Variants in FOCAD observed in about 807,000 individuals in gnomAD.
FOCAD encodes the protein KIAA1797.
A neutral mutation model predicts 225.6 loss-of-function variants in FOCAD; 198 were observed. The ratio of observed to expected loss-of-function variants is 0.88; its 90% CI spans 0.78 to 0.99. The LOEUF (loss-of-function observed/expected upper bound fraction) is 0.99. Ranked by LOEUF, FOCAD falls within the 50% of genes least tolerant of loss-of-function variation. The probability of loss-of-function intolerance (pLI) is 0.00; values close to 1 mark genes in which losing one functional copy is unlikely to be tolerated. For missense variants in FOCAD, 2,713 were observed against 2,123.6 expected, an observed-to-expected ratio of 1.28 and a Z score of -5.46; for synonymous variants, 897 against 755.0, an observed-to-expected ratio of 1.19 and a Z score of -3.08.
intron 23 of FOCAD, 88 bp downstream of exon 23, chr9:20,913,042 G>C: frequency 9.2e-7 from 1 of 1,092,734 alleles, no homozygotes; most frequent in South Asian, 1.4e-5. Context: ...TTTAAGATTA[G>C]CAGGTTTAAC....
At chr9:20,700,468 G>C (rs1037889609) in intron 1 of FOCAD, among the ~76,000 whole-genome samples, 1 of 150,010 alleles carries the variant, frequency 6.7e-6, no homozygotes, top group Non-Finnish European at 1.5e-5. Context: ...AGATTCTGCT[G>C]ATTTTGGATT....
chr9:20,762,867 T>G (rs1829736740), intron 6 of FOCAD, among the ~76,000 whole-genome samples: 1 of 152,124 alleles, frequency 6.6e-6, no homozygotes, highest in African/African-American at 2.4e-5. Context: ...GTTCCCACCT[T>G]CATGTCTGTG....
intron 1 of FOCAD, among the ~76,000 whole-genome samples, chr9:20,696,828 TTAATTGC>T (rs1823411341): frequency 1.3e-5 from 2 of 151,688 alleles, no homozygotes; most frequent in Non-Finnish European, 2.9e-5. Context: ...ATAATAATAA[TTAATTGC>T]CATCGTAACC....
chr9:20,862,495 TAATAA>T (rs1828861563), intron 15 of FOCAD, 78 bp from the exon 16 acceptor site: 1 of 1,433,920 alleles, frequency 7.0e-7, no homozygotes, highest in African/African-American at 1.4e-5. Flanking sequence ...AGTTTCCTTA[TAATAA>T]AATATAGTAC....
chr9:20,948,125 A>T (rs201495987), intron 30 of FOCAD, 146 bp from the exon 31 acceptor site: 1 of 630,050 alleles, frequency 1.6e-6, no homozygotes, highest in Non-Finnish European at 2.3e-6. Flanking sequence ...ACAAAAAAAC[A>T]CTTAAGTCTG....
intron 5 of FOCAD, among the ~76,000 whole-genome samples, chr9:20,749,078 C>T (rs764903426): frequency 2.6e-5 from 4 of 151,988 alleles, no homozygotes; most frequent in Admixed American, 6.6e-5. Flanking sequence ...GTTGTGGATC[C>T]CTAAGTACAT....
chr9:20,800,724 T>G (rs1821716085), intron 11 of FOCAD, among the ~76,000 whole-genome samples: 1 of 152,104 alleles, frequency 6.6e-6, no homozygotes, highest in Admixed American at 6.5e-5. Context: ...CTTCTCTGCT[T>G]TGGTTATTCT....
intron 15 of FOCAD, among the ~76,000 whole-genome samples, chr9:20,826,697 A>G (rs1824927475): frequency 6.6e-6 from 1 of 152,102 alleles, no homozygotes; most frequent in East Asian, 1.9e-4. Flanking sequence ...TTCATTTTAT[A>G]TTGAAGAAAC....
intron 18 of FOCAD, chr9:20,872,697 A>G (rs1013466571): frequency 6.6e-6 from 1 of 151,990 alleles, no homozygotes; most frequent in Non-Finnish European, 1.5e-5. Flanking sequence ...CCTTTAAAGT[A>G]TGCAATTTAG....
intron 2 of FOCAD, among the ~76,000 whole-genome samples, chr9:20,666,783 G>A (rs1349196441): frequency 2.0e-5 from 3 of 152,180 alleles, no homozygotes; most frequent in African/African-American, 7.2e-5. Flanking sequence ...GGAGGTGTCT[G>A]CGAAGAGTTT....
At chr9:20,788,086 A>G (rs1820117244) in intron 10 of FOCAD, among the ~76,000 whole-genome samples, 1 of 152,232 alleles carries the variant, frequency 6.6e-6, no homozygotes, top group African/African-American at 2.4e-5. Context: ...ATCCATTGAT[A>G]GTGGATAAAC....
At chr9:20,946,999 C>A (rs527426616) in intron 30 of FOCAD, among the ~76,000 whole-genome samples, 179 bp downstream of exon 30, 179 of 152,270 alleles carry the variant, frequency 1.2e-3, no homozygotes, top group African/African-American at 4.1e-3. Flanking sequence ...CTTTTTCTCT[C>A]CTTATCCCCT....
intron 19 of FOCAD, among the ~76,000 whole-genome samples, chr9:20,878,140 TA>T (rs1830382432): frequency 6.6e-6 from 1 of 151,920 alleles, no homozygotes; most frequent in South Asian, 2.1e-4. Flanking sequence ...AAAAAATGCA[TA>T]AAACCAATTA....
At chr9:20,926,507 G>T in intron 26 of FOCAD, 90 bp downstream of exon 26, 2 of 821,196 alleles carry the variant, frequency 2.4e-6, no homozygotes, top group Middle Eastern at 2.5e-4. Flanking sequence ...ATATAGGCCA[G>T]GCGCGGTGGC....
rs1352068614 is a variant in FOCAD, at chr9:20,933,105, T to C, written c.3407+2T>C. On this transcript the variant is annotated splice_donor_variant, in intron 28 of 43. Coordinates refer to ENST00000338382, the MANE Select transcript of FOCAD (RefSeq NM_001375567.1). LOFTEE classifies it high-confidence loss of function. ...CTTTGACACTAGTCTTGAATACAAG[T>C]ATGTTGTTCCTATTTCCACTCTCAC... 1 of 1,610,006 alleles carries C rather than the reference T, an allele frequency of 6.2e-7. No homozygotes were observed. The highest frequency in any genetic ancestry group is 8.5e-7 in the Non-Finnish European group (1 of 1,176,330).
intron 27 of FOCAD, among the ~76,000 whole-genome samples, chr9:20,932,218 C>A (rs1202499837): frequency 2.0e-5 from 3 of 152,080 alleles, no homozygotes; most frequent in Non-Finnish European, 2.9e-5. Context: ...TGCAAAAATT[C>A]CTTCACCTTG....
intron 39 of FOCAD, among the ~76,000 whole-genome samples, chr9:20,983,417 C>T (rs1158462778): frequency 6.6e-6 from 1 of 151,746 alleles, no homozygotes; most frequent in African/African-American, 2.4e-5. Context: ...ACTAAAGGTA[C>T]AAAAATTAGC....
At position 20,769,528 on chromosome 9, in the gene FOCAD, A is replaced by G. The variant is rs187582314; in HGVS notation, c.700-504A>G. On this transcript the variant is annotated intron_variant, in intron 7 of 43. Transcript: ENST00000338382. ...TGAGAAGACACTCTACCATTTGAAT[A>G]TGGTCTTTTACTATATCTGCCAAGT... Among the ~76,000 whole-genome samples the G allele has an allele frequency of 1.2e-4, 18 of 152,304 alleles. No homozygotes were observed. The East Asian group carries it at 2.9e-3, about 24-fold the overall frequency.
chr9:20,689,302 G>A (rs993922750), intron 1 of FOCAD, among the ~76,000 whole-genome samples: 1 of 152,146 alleles, frequency 6.6e-6, no homozygotes, highest in African/African-American at 2.4e-5. Flanking sequence ...TCGATGAATT[G>A]CTCACCCAGA....
Sources: gnomAD v4.1 joint callset for allele counts (sites outside exome capture counted in the v4.1 genomes callset) on GRCh38, gnomAD v4.1.1 for gene constraint, MANE v1.5 for transcripts, NCBI Gene and HGNC (gene_info 2026-07-23, HGNC 2026-07-21) for gene names.